The following SYTL5 variants were observed in gnomAD, a reference collection of about 807,000 sequenced individuals.
The protein encoded by SYTL5 is synaptotagmin-like protein 5.
In SYTL5, 34 loss-of-function variants were observed where a neutral mutation model predicts 55.9. The observed-to-expected ratio is 0.61, with a 90% CI of 0.46 to 0.81. The LOEUF (loss-of-function observed/expected upper bound fraction) is 0.81. SYTL5 is among the 30% of genes least tolerant of loss of function. The probability of loss-of-function intolerance (pLI) is 0.00; values close to 1 mark genes in which losing one functional copy is unlikely to be tolerated. For missense variants in SYTL5, 637 were observed against 546.7 expected, an observed-to-expected ratio of 1.17 and a Z score of -1.65; for synonymous variants, 221 against 188.7, an observed-to-expected ratio of 1.17 and a Z score of -1.40.
chrX:37,988,623 G>T, the SYTL5 span, among the ~76,000 whole-genome samples: 1 of 112,420 alleles, frequency 8.9e-6, no homozygotes, highest in Non-Finnish European at 1.9e-5. Flanking sequence ...TGTTCAAAGT[G>T]TTCCTGGTGA....
At chrX:37,967,254 G>T in the SYTL5 span, among the ~76,000 whole-genome samples, 3 of 111,259 alleles carry the variant, frequency 2.7e-5, no homozygotes, top group African/African-American at 9.8e-5. Flanking sequence ...GTTTTACCAT[G>T]TTGGCCAGGC....
At chrX:37,891,253 T>C in the SYTL5 span, among the ~76,000 whole-genome samples, 2 of 112,137 alleles carry the variant, frequency 1.8e-5, no homozygotes, top group East Asian at 5.6e-4. Flanking sequence ...CATTAATGTA[T>C]AAATAAAATG....
At chrX:37,940,785 T>C in the SYTL5 span, among the ~76,000 whole-genome samples, 109 of 110,661 alleles carry the variant, frequency 9.8e-4, 1 homozygote, top group South Asian at 0.017. Context: ...CTGGGGTAAA[T>C]TATCTGATAT....
At chrX:37,941,234 C>T in the SYTL5 span, among the ~76,000 whole-genome samples, 1 of 111,701 alleles carries the variant, frequency 9.0e-6, no homozygotes, top group South Asian at 3.8e-4. Context: ...ATTGCACAGC[C>T]GTATCTGGGA....
intron 1 of SYTL5, among the ~76,000 whole-genome samples, chrX:38,013,906 C>CT (rs1934262814): frequency 9.0e-6 from 1 of 110,808 alleles, no homozygotes; most frequent in Non-Finnish European, 1.9e-5. Context: ...CAACCACCAC[C>CT]AACTCCTCCT....
chrX:37,920,689 C>T, the SYTL5 span, among the ~76,000 whole-genome samples: 1 of 110,781 alleles, frequency 9.0e-6, no homozygotes, highest in Non-Finnish European at 1.9e-5. Context: ...TAGGCTAGCC[C>T]TTCTGTGCCC....
chrX:37,955,700 A>C, the SYTL5 span, among the ~76,000 whole-genome samples: 2 of 111,739 alleles, frequency 1.8e-5, no homozygotes, highest in Non-Finnish European at 3.8e-5. Context: ...ATTTATGATT[A>C]TCTTTCCCTA....
chrX:38,058,672 A>C (rs1420310004), intron 3 of SYTL5, among the ~76,000 whole-genome samples: 2 of 111,369 alleles, frequency 1.8e-5, no homozygotes, highest in Non-Finnish European at 3.8e-5. Flanking sequence ...ATCAGCTATC[A>C]GTATATTATT....
intron 2 of SYTL5, among the ~76,000 whole-genome samples, chrX:38,046,273 G>A (rs989230041): frequency 7.2e-5 from 8 of 111,532 alleles, no homozygotes; most frequent in African/African-American, 2.6e-4. Flanking sequence ...TCGTTTTCAT[G>A]CTGCTGATAA....
chrX:38,022,989 G>T (rs1474275415), intron 1 of SYTL5, among the ~76,000 whole-genome samples: 1 of 111,749 alleles, frequency 8.9e-6, no homozygotes, highest in Non-Finnish European at 1.9e-5. Context: ...ATCAGCAAGG[G>T]ACAAATCATG....
At chrX:37,893,190 C>T in the SYTL5 span, among the ~76,000 whole-genome samples, 53 of 66,279 alleles carry the variant, frequency 8.0e-4, no homozygotes, top group Non-Finnish European at 1.2e-3. Context: ...GTATATATAA[C>T]ATACCACACT....
chrX:37,983,785 CT>C, the SYTL5 span, among the ~76,000 whole-genome samples: 32 of 111,920 alleles, frequency 2.9e-4, no homozygotes, highest in Non-Finnish European at 4.2e-4. Context: ...AAAATGTCCA[CT>C]GTTTTTTCTT....
Position 38,106,746 on chromosome X carries a change from G to A in SYTL5, c.1309G>A (p.Asp437Asn). Residue 437 changes from aspartate (D) to asparagine (N), a missense_variant, in exon 11 of 17, where the codon GAT (aspartate) becomes AAT (asparagine). Asp to Asn is a conservative substitution (Grantham distance 23). Transcript: ENST00000297875. ...VKNCRNLAIG[D>N]EKKQRTDAYV... ...GAATTGCAGAAATCTGGCCATAGGA[G>A]ATGAAAAGAAACAGAGGACAGATGC... The A allele has an allele frequency of 8.3e-7, 1 of 1,202,291 alleles. No homozygotes were observed. The highest frequency in any genetic ancestry group is 1.1e-6 in the Non-Finnish European group (1 of 891,767).
intron 2 of SYTL5, among the ~76,000 whole-genome samples, chrX:38,039,756 ACT>A (rs1935223182): frequency 9.0e-6 from 1 of 111,515 alleles, no homozygotes; most frequent in African/African-American, 3.3e-5. Context: ...TCAGTGGTAA[ACT>A]CTATTGGTTG....
chrX:38,113,755 C>T (rs1056038858), intron 13 of SYTL5, among the ~76,000 whole-genome samples: 1 of 111,751 alleles, frequency 8.9e-6, no homozygotes, highest in African/African-American at 3.3e-5. Context: ...CACCAGCCAA[C>T]CCCTGCCAAT....
chrX:38,013,112 T>A (rs149093162), intron 1 of SYTL5, among the ~76,000 whole-genome samples: 1,655 of 112,282 alleles, frequency 0.015, 27 homozygotes, highest in African/African-American at 0.05. Flanking sequence ...AAGAATTTAA[T>A]TTGCTTTGAA....
chrX:38,101,259 G>A (rs1937076229), intron 9 of SYTL5, among the ~76,000 whole-genome samples: 1 of 111,011 alleles, frequency 9.0e-6, no homozygotes, highest in Non-Finnish European at 1.9e-5. Flanking sequence ...CTTGTGATAT[G>A]GACAGGATAC....
the SYTL5 span, among the ~76,000 whole-genome samples, chrX:37,890,176 C>G: frequency 9.1e-6 from 1 of 110,203 alleles, no homozygotes; most frequent in South Asian, 4.0e-4. Context: ...TGAAGAAACT[C>G]CCCAGGCCTC....
chrX:38,092,601 T>C (rs1258964583), intron 7 of SYTL5, among the ~76,000 whole-genome samples: 1 of 111,278 alleles, frequency 9.0e-6, no homozygotes, highest in East Asian at 2.8e-4. Flanking sequence ...GTGTGCTTTG[T>C]TCTAGCCACA....
Sources: allele counts gnomAD v4.1 joint callset (sites outside exome capture counted in the v4.1 genomes callset), GRCh38; gene constraint gnomAD v4.1.1; transcripts MANE v1.5; gene names NCBI Gene and HGNC (gene_info 2026-07-23, HGNC 2026-07-21).